LARP1: variants seen among roughly 807,000 people sequenced by gnomAD.
LARP1 encodes the protein la-related protein 1.
In LARP1, 36 loss-of-function variants were observed where a neutral mutation model predicts 122.7. The observed-to-expected ratio is 0.29, with a 90% CI of 0.22 to 0.39. The LOEUF is 0.39. LARP1 is among the 10% of genes least tolerant of loss of function. The pLI is 1.00. For synonymous variants in LARP1, 539 were observed against 528.7 expected (o/e 1.02, Z -0.27); for missense variants, 1,040 against 1,403.6 (o/e 0.74, Z 4.14).
chr5:154,703,557 T>G (rs1183898461), intron 1 of LARP1, among the ~76,000 whole-genome samples: 3 of 152,206 alleles, frequency 2.0e-5, no homozygotes, highest in Non-Finnish European at 4.4e-5. Context: ...AAGGCTGCAG[T>G]GAGCTATGAT....
intron 1 of LARP1, among the ~76,000 whole-genome samples, chr5:154,683,108 C>T (rs1177659092): frequency 1.2e-4 from 19 of 152,204 alleles, no homozygotes; most frequent in Admixed American, 1.2e-3. Flanking sequence ...CCGGAGAGGC[C>T]TGGGGAGGGG....
chr5:154,815,899 AGTG>A lies in LARP1; in HGVS notation c.*1805_*1807del, dbSNP rs1759634305. On this transcript the variant is annotated 3_prime_UTR_variant, in exon 19 of 19. Transcript: ENST00000518297. ...TGGGCATGACTGCACGTTCACTCTCAGTGGGATCTGGGCAACATGGAGTTCATT... is the reference window on the plus strand; with the variant it reads ...TGGGCATGACTGCACGTTCACTCTCAGGATCTGGGCAACATGGAGTTCATT... 1 of 152,226 alleles carries A rather than the reference AGTG, an allele frequency of 6.6e-6. No individual in the cohort carries two copies. The highest frequency in any genetic ancestry group is 1.5e-5 in the Non-Finnish European group (1 of 68,048). 9.4% of individuals were successfully genotyped at this position (152,226 alleles called of 1,614,324 possible).
chr5:154,708,430 C>G (rs1755052726), upstream of LARP1, among the ~76,000 whole-genome samples: 1 of 152,142 alleles, frequency 6.6e-6, no homozygotes, highest in African/African-American at 2.4e-5. Context: ...TAAAAGAAAT[C>G]TCTTGTAACT....
At position 154,793,678 on chromosome 5, in the gene LARP1, C is replaced by T; in HGVS notation, c.823C>T (p.Pro275Ser). Residue 275 changes from proline to serine, a missense_variant, in exon 5 of 19, where the codon CCA becomes TCA. Physicochemically the swap from Pro to Ser is moderately conservative, Grantham distance 74. This residue lies in a region of LARP1 where 178 missense variants were observed against 178.3 expected (regional missense o/e 1.00). Coordinates refer to ENST00000518297, the MANE Select transcript of LARP1 (RefSeq NM_033551.3). ...GAAACTGGCTTCACGCCCCACTCGCCCACCGGAGCCTAGACACATACCTGC... is the reference window on the plus strand; with the variant it reads ...GAAACTGGCTTCACGCCCCACTCGCTCACCGGAGCCTAGACACATACCTGC... ...REKLASRPTR[P>S]PEPRHIPANR... 2 of 1,614,182 alleles carry T rather than the reference C, an allele frequency of 1.2e-6. No homozygotes were observed. Among genetic ancestry groups the T allele is most frequent in the Non-Finnish European group, 1.7e-6 (2 of 1,180,020 alleles).
At chr5:154,774,232 T>C (rs1357271682) in intron 1 of LARP1, among the ~76,000 whole-genome samples, 1 of 152,068 alleles carries the variant, frequency 6.6e-6, no homozygotes, top group African/African-American at 2.4e-5. Flanking sequence ...AGAGTACTGA[T>C]GATTGGGGGT....
At chr5:154,755,139 C>G (rs775770190), upstream of LARP1, among the ~76,000 whole-genome samples, 20 of 151,744 alleles carry the variant, frequency 1.3e-4, no homozygotes, top group Non-Finnish European at 2.8e-4. Context: ...TCCCTACCCC[C>G]AGCCCGGGAG....
At chr5:154,747,162 C>T (rs1033071820) in intron 1 of LARP1, among the ~76,000 whole-genome samples, 13 of 151,876 alleles carry the variant, frequency 8.6e-5, no homozygotes, top group African/African-American at 2.4e-4. Context: ...AAACATTAGC[C>T]GGGTGAGGTG....
intron 16 of LARP1, 37 bp from the exon 17 acceptor site, chr5:154,811,210 A>G (rs1480436894): frequency 1.3e-6 from 2 of 1,512,654 alleles, no homozygotes; most frequent in Non-Finnish European, 9.2e-7. Context: ...TTACAGATGA[A>G]GAAACTGCCC....
chr5:154,742,316 C>T (rs1185696395), intron 1 of LARP1, among the ~76,000 whole-genome samples: 3 of 152,162 alleles, frequency 2.0e-5, no homozygotes, highest in Non-Finnish European at 4.4e-5. Flanking sequence ...AATCCCAGCA[C>T]ATTGGGAGGC....
intron 1 of LARP1, among the ~76,000 whole-genome samples, chr5:154,733,831 G>A (rs1756725851): frequency 6.6e-6 from 1 of 152,028 alleles, no homozygotes; most frequent in Admixed American, 6.6e-5. Context: ...TTAAAGTGGT[G>A]GGATTACAGA....
chr5:154,762,258 AAAC>A (rs1678739184), intron 1 of LARP1, among the ~76,000 whole-genome samples: 1 of 152,122 alleles, frequency 6.6e-6, no homozygotes, highest in Non-Finnish European at 1.5e-5. Flanking sequence ...CAAAACAAAA[AAAC>A]CAAAAAAACC....
chr5:154,743,906 C>A (rs184091659), intron 1 of LARP1, among the ~76,000 whole-genome samples: 1 of 152,344 alleles, frequency 6.6e-6, no homozygotes, highest in African/African-American at 2.4e-5. Flanking sequence ...AAGCGTGGGC[C>A]ACCACACCCG....
chr5:154,755,087 G>A (rs996961324), upstream of LARP1, among the ~76,000 whole-genome samples: 5 of 151,830 alleles, frequency 3.3e-5, no homozygotes. Flanking sequence ...GACAACTCCC[G>A]AATTGCATCA....
intron 8 of LARP1, among the ~76,000 whole-genome samples, chr5:154,798,122 T>C (rs1758038634): frequency 6.6e-6 from 1 of 152,242 alleles, no homozygotes; most frequent in Admixed American, 6.5e-5. Context: ...CTTCCAAGTT[T>C]TAGAGATTGC....
At chr5:154,733,160 A>G (rs935509596) in intron 1 of LARP1, among the ~76,000 whole-genome samples, 4 of 152,210 alleles carry the variant, frequency 2.6e-5, no homozygotes, top group African/African-American at 9.6e-5. Flanking sequence ...CAAATATACT[A>G]TAGCCACCAG....
intron 1 of LARP1, among the ~76,000 whole-genome samples, chr5:154,739,323 A>C (rs909988370): frequency 6.6e-6 from 1 of 151,888 alleles, no homozygotes. Context: ...CCCGGCCCTA[A>C]AAGAAGATTC....
chr5:154,786,473 C>G (rs1423047647), intron 1 of LARP1: 1 of 456,044 alleles, frequency 2.2e-6, no homozygotes, highest in African/African-American at 2.0e-5. Context: ...TCCTTCTCTT[C>G]CAGATACCCT....
chr5:154,684,587 C>T (rs1039523038), intron 1 of LARP1, among the ~76,000 whole-genome samples: 10 of 152,122 alleles, frequency 6.6e-5, no homozygotes, highest in African/African-American at 1.9e-4. Context: ...GCACTCCTTG[C>T]GCTTCCGGTC....
At chr5:154,694,842 G>GT (rs779443123) in intron 1 of LARP1, among the ~76,000 whole-genome samples, 109 of 150,390 alleles carry the variant, frequency 7.2e-4, no homozygotes, top group Admixed American at 1.3e-3. Context: ...TTGGTTTATT[G>GT]TTTTTTTTTA....
Sources: gnomAD v4.1 joint callset for allele counts (sites outside exome capture counted in the v4.1 genomes callset) on GRCh38, gnomAD v4.1.1 for gene constraint, gnomAD v4.1.1 regional missense constraint, MANE v1.5 for transcripts, NCBI Gene and HGNC (gene_info 2026-07-23, HGNC 2026-07-21) for gene names.